UFL1: variants seen among roughly 807,000 people sequenced by gnomAD.
UFL1 encodes UFM1 specific ligase 1, also known as E3 UFM1-protein ligase 1.
A neutral mutation model predicts 99.3 loss-of-function variants in UFL1; 78 were observed. That is an observed-to-expected ratio of 0.79 (90% CI 0.65 to 0.95). UFL1 has a LOEUF of 0.95. UFL1 is among the 40% of genes least tolerant of loss of function. The probability of loss-of-function intolerance (pLI) is 0.00; values close to 1 mark genes in which losing one functional copy is unlikely to be tolerated. For missense variants in UFL1, 936 were observed against 937.0 expected, an observed-to-expected ratio of 1.00 and a Z score of 0.01; for synonymous variants, 335 against 322.2, an observed-to-expected ratio of 1.04 and a Z score of -0.42.
In UFL1 at chr6:96,551,852, T is replaced by C. The variant is rs778649256; in HGVS notation, c.1914T>C (p.Phe638=). 5 of 1,606,114 alleles carry C rather than the reference T, an allele frequency of 3.1e-6. No homozygotes were observed. Among genetic ancestry groups the C allele is most frequent in the Non-Finnish European group, 4.3e-6 (5 of 1,175,740 alleles). Residue 638 remains phenylalanine (F), a synonymous_variant, in exon 17 of 19, where the codon TTT becomes TTC. Transcript: ENST00000369278. ...NSLNEKSIED[F]ISCLDSAAEA... is the part of the protein sequence containing the mutation. ...TGCCTTTTCAGAGCATAGAAGACTT[T>C]ATTTCTTGTCTGGATTCTGCAGCAG... is the stretch of plus-strand genomic sequence containing the variant.
In UFL1 at chr6:96,553,724, T is replaced by A; in HGVS notation, c.*221T>A. 2.5e-6 allele frequency: 1 copy of A among 406,506 alleles called. No homozygotes were observed. Among genetic ancestry groups the A allele is most frequent in the Non-Finnish European group, 4.4e-6 (1 of 228,448 alleles). The allele number at this position is 406,506 out of a possible 1,614,324, so 25.2% of individuals were successfully genotyped here. On this transcript the variant is annotated 3_prime_UTR_variant, in exon 19 of 19. Coordinates refer to ENST00000369278, the MANE Select transcript of UFL1 (RefSeq NM_015323.5). Reference sequence around the variant, plus strand: ...TCATGGAAGTTTTTTTCCACCTGATTTTCACACAAATACTATATGAAATTT... The same window carrying A: ...TCATGGAAGTTTTTTTCCACCTGATATTCACACAAATACTATATGAAATTT...
intron 12 of UFL1, among the ~76,000 whole-genome samples, chr6:96,546,397 C>T (rs1769998815): frequency 1.3e-5 from 2 of 151,212 alleles, no homozygotes; most frequent in Non-Finnish European, 3.0e-5. Flanking sequence ...ACACCCCAGG[C>T]TCATGGATTA....
At chr6:96,553,148 G>T in intron 18 of UFL1, 137 bp from the exon 19 acceptor site, 1 of 702,648 alleles carries the variant, frequency 1.4e-6, no homozygotes, top group Admixed American at 2.9e-5. Context: ...GAAACTGCTA[G>T]ATTAGACTTG....
chr6:96,552,397 A>C, intron 17 of UFL1, 85 bp from the exon 18 acceptor site: 1 of 1,408,990 alleles, frequency 7.1e-7, no homozygotes, highest in Non-Finnish European at 9.3e-7. Context: ...AGAGAAGCTA[A>C]AAATTAACAG....
intron 1 of UFL1, among the ~76,000 whole-genome samples, chr6:96,522,474 A>G (rs1769631054): frequency 6.6e-6 from 1 of 152,178 alleles, no homozygotes; most frequent in South Asian, 2.1e-4. Context: ...CATTTTCTAC[A>G]AGCCCACTAA....
At chr6:96,525,150 G>A (rs1582436389) in intron 3 of UFL1, 147 bp from the exon 4 acceptor site, 1 of 553,070 alleles carries the variant, frequency 1.8e-6, no homozygotes, top group South Asian at 2.6e-5. Flanking sequence ...GGATCCTCCC[G>A]CCTCATCCTC....
chr6:96,544,340 A>C (rs2127952437), intron 12 of UFL1, among the ~76,000 whole-genome samples: 1 of 150,946 alleles, frequency 6.6e-6, no homozygotes, highest in Middle Eastern at 3.4e-3. Flanking sequence ...TTTTCTGTTT[A>C]AAAAAGGTAA....
At chr6:96,528,245 A>C (rs1382814576) in intron 5 of UFL1, among the ~76,000 whole-genome samples, 1 of 152,228 alleles carries the variant, frequency 6.6e-6, no homozygotes, top group African/African-American at 2.4e-5. Flanking sequence ...CATTAACAAG[A>C]GATAATATGA....
intron 6 of UFL1, among the ~76,000 whole-genome samples, chr6:96,533,816 A>G (rs1012832515): frequency 1.9e-4 from 29 of 151,200 alleles, no homozygotes; most frequent in Non-Finnish European, 8.9e-5. Context: ...AAAAAAAAAA[A>G]AGATTTTAAA....
chr6:96,543,999 A>G (rs1443208611), intron 12 of UFL1, among the ~76,000 whole-genome samples: 2 of 151,146 alleles, frequency 1.3e-5, no homozygotes, highest in Admixed American at 6.6e-5. Flanking sequence ...AAAAATTTTT[A>G]AAGGCCACAG....
At chr6:96,542,121 C>T (rs1769939149) in intron 11 of UFL1, among the ~76,000 whole-genome samples, 1 of 151,048 alleles carries the variant, frequency 6.6e-6, no homozygotes, top group African/African-American at 2.4e-5. Flanking sequence ...TATCAGTATT[C>T]CATTTTGTAG....
intron 15 of UFL1, among the ~76,000 whole-genome samples, chr6:96,550,213 C>T (rs1770058514): frequency 6.6e-6 from 1 of 151,788 alleles, no homozygotes; most frequent in Non-Finnish European, 1.5e-5. Flanking sequence ...AAAAGCTCAT[C>T]TCCTCCCTTC....
intron 3 of UFL1, among the ~76,000 whole-genome samples, chr6:96,524,871 A>C (rs1769676783): frequency 6.6e-6 from 1 of 152,216 alleles, no homozygotes; most frequent in African/African-American, 2.4e-5. Flanking sequence ...ATAAACAAGA[A>C]GCCAGCGAAT....
chr6:96,532,030 G>C (rs921627836), intron 6 of UFL1, among the ~76,000 whole-genome samples: 7 of 152,080 alleles, frequency 4.6e-5, no homozygotes, highest in Non-Finnish European at 8.8e-5. Context: ...TTGTTTTTAT[G>C]GATATTTCTT....
intron 9 of UFL1, 109 bp downstream of exon 9, chr6:96,537,658 G>C (rs979235856): frequency 1.8e-6 from 2 of 1,082,162 alleles, no homozygotes; most frequent in Admixed American, 3.0e-5. Context: ...GGCTTTGGAG[G>C]CAAATTCTAA....
Position 96,549,797 on chromosome 6 carries a change from G to A in UFL1, c.1816G>A (p.Glu606Lys), listed in dbSNP as rs1180068015. 6.2e-7 allele frequency: 1 copy of A among 1,611,078 alleles called. No individual in the cohort carries two copies. The highest frequency in any genetic ancestry group is 1.3e-5 in the African/African-American group (1 of 74,698). The change falls in exon 15 of 19, where the codon GAA becomes AAA. Residue 606 changes from glutamate (E) to lysine (K), a missense_variant and splice_region_variant. By Grantham distance (56) the Glu-to-Lys change is moderately conservative. Transcript: ENST00000369278. The stretch of plus-strand genomic sequence containing the variant: ...AGACGATCCTGCAGCCATTACAAGT[G>A]AAGTATGTTAATGATCTCCCTACCA... ...AVDDPAAITS[E>K]IRKKILSKLS... is the part of the protein sequence containing the mutation.
At chr6:96,550,139 T>C (rs1190063993) in intron 15 of UFL1, among the ~76,000 whole-genome samples, 1 of 151,894 alleles carries the variant, frequency 6.6e-6, no homozygotes, top group East Asian at 1.9e-4. Flanking sequence ...TTTAAGGACA[T>C]CTCATTTCAA....
intron 1 of UFL1, 195 bp from the exon 2 acceptor site, chr6:96,522,951 C>T: frequency 2.3e-6 from 1 of 436,672 alleles, no homozygotes. Context: ...ATGATTTAAG[C>T]ATATGTAAAC....
At chr6:96,542,242 T>C (rs1377333439) in intron 11 of UFL1, among the ~76,000 whole-genome samples, 1 of 151,302 alleles carries the variant, frequency 6.6e-6, no homozygotes, top group African/African-American at 2.4e-5. Context: ...TTTAAGTCTA[T>C]AGTCAATAGG....
Sources: gnomAD v4.1 joint callset for allele counts (sites outside exome capture counted in the v4.1 genomes callset) on GRCh38, gnomAD v4.1.1 for gene constraint, MANE v1.5 for transcripts, NCBI Gene and HGNC (gene_info 2026-07-23, HGNC 2026-07-21) for gene names.